The following UBR3 variants were observed in gnomAD, a reference collection of about 807,000 sequenced individuals.
UBR3 encodes E3 ubiquitin-protein ligase UBR3.
Under a neutral mutation model 243.2 loss-of-function variants are expected in UBR3, and 85 were observed. That is an observed-to-expected ratio of 0.35 (90% CI 0.29 to 0.42). The LOEUF is 0.42. Among genes scored for constraint, UBR3 ranks in the 10% least tolerant of loss-of-function variants. UBR3 has a pLI of 1.00. For synonymous variants in UBR3, 748 were observed against 799.8 expected (o/e 0.94, Z 1.09); for missense variants, 1,686 against 2,300.8 (o/e 0.73, Z 5.47).
intron 29 of UBR3, 84 bp from the exon 30 acceptor site, chr2:170,015,197 T>G: frequency 8.6e-7 from 1 of 1,158,462 alleles, no homozygotes; most frequent in Non-Finnish European, 1.2e-6. Context: ...AACTTTATTT[T>G]TTAGGTTGAT....
intron 1 of UBR3, among the ~76,000 whole-genome samples, chr2:169,864,805 G>A (rs946087018): frequency 4.6e-5 from 7 of 151,692 alleles, no homozygotes; most frequent in Non-Finnish European, 8.8e-5. Context: ...TACTCGGAAG[G>A]CTGAGGCAGG....
At chr2:169,890,513 G>A (rs2084287001) in intron 5 of UBR3, among the ~76,000 whole-genome samples, 1 of 108,294 alleles carries the variant, frequency 9.2e-6, no homozygotes, top group Non-Finnish European at 1.8e-5. Context: ...TTTTTAGTGC[G>A]AGGTTTTTCT....
chr2:169,950,192 C>G, intron 23 of UBR3, 127 bp downstream of exon 23: 1 of 869,618 alleles, frequency 1.1e-6, no homozygotes, highest in Non-Finnish European at 1.7e-6. Flanking sequence ...TAGTTTGTAA[C>G]ATAAATGGAA....
chr2:170,002,808 C>T (rs940739117), intron 27 of UBR3, among the ~76,000 whole-genome samples: 4 of 152,084 alleles, frequency 2.6e-5, no homozygotes, highest in African/African-American at 9.7e-5. Flanking sequence ...TCTTATTTTC[C>T]TATAGCTGAA....
chr2:169,965,424 C>A (rs1274762390), intron 24 of UBR3, among the ~76,000 whole-genome samples: 3 of 152,094 alleles, frequency 2.0e-5, no homozygotes, highest in Admixed American at 6.6e-5. Context: ...CAGAGGATGG[C>A]TGAAACTAAC....
chr2:169,895,427 T>C, intron 7 of UBR3, 116 bp downstream of exon 7: 1 of 1,161,656 alleles, frequency 8.6e-7, no homozygotes. Context: ...TATAAACAAG[T>C]GTTAGTTTCT....
At chr2:169,857,065 T>A (rs1288600327) in intron 1 of UBR3, among the ~76,000 whole-genome samples, 2 of 44,140 alleles carry the variant, frequency 4.5e-5, no homozygotes, top group Non-Finnish European at 7.7e-5. Flanking sequence ...TTTTATTATG[T>A]TTTTTTTTTT....
chr2:169,956,374 A>G (rs1011060190), intron 23 of UBR3, among the ~76,000 whole-genome samples: 4 of 151,736 alleles, frequency 2.6e-5, no homozygotes, highest in Non-Finnish European at 4.4e-5. Context: ...CTTTTACCAT[A>G]CAAATGCCCT....
At chr2:169,912,258 T>C (rs2085282858) in intron 10 of UBR3, among the ~76,000 whole-genome samples, 1 of 152,206 alleles carries the variant, frequency 6.6e-6, no homozygotes, top group South Asian at 2.1e-4. Flanking sequence ...TTTTAAAGTG[T>C]ATACTATTCA....
At chr2:169,872,130 G>C in intron 1 of UBR3, 106 bp from the exon 2 acceptor site, 1 of 797,140 alleles carries the variant, frequency 1.3e-6, no homozygotes, top group Non-Finnish European at 1.8e-6. Context: ...AAATCATAAA[G>C]GAGGATTTAT....
At chr2:169,951,609 T>C (rs2087034669) in intron 23 of UBR3, among the ~76,000 whole-genome samples, 1 of 152,154 alleles carries the variant, frequency 6.6e-6, no homozygotes, top group Non-Finnish European at 1.5e-5. Context: ...TATCGTTAAC[T>C]CGCACAGGGT....
intron 1 of UBR3, among the ~76,000 whole-genome samples, chr2:169,866,516 C>A (rs975517870): frequency 6.6e-6 from 1 of 151,978 alleles, no homozygotes; most frequent in African/African-American, 2.4e-5. Context: ...GCATACGCCA[C>A]CATGTCTAGC....
chr2:170,068,208 C>T (rs938930695), intron 35 of UBR3, among the ~76,000 whole-genome samples: 7 of 152,092 alleles, frequency 4.6e-5, no homozygotes, highest in Non-Finnish European at 1.0e-4. Context: ...CAGTGGCTTT[C>T]GTCTGTAATC....
chr2:169,983,453 G>A (rs1264072289), intron 24 of UBR3, among the ~76,000 whole-genome samples: 1 of 151,810 alleles, frequency 6.6e-6, no homozygotes, highest in African/African-American at 2.4e-5. Context: ...TAGAGATGGG[G>A]TTTTGCCATG....
chr2:170,019,743 A>G (rs2090339137), intron 30 of UBR3, among the ~76,000 whole-genome samples: 1 of 152,150 alleles, frequency 6.6e-6, no homozygotes, highest in South Asian at 2.1e-4. Context: ...TAGGGAGCAT[A>G]AAGATGTTAA....
intron 36 of UBR3, among the ~76,000 whole-genome samples, chr2:170,075,397 A>C (rs756422696): frequency 6.6e-6 from 1 of 152,166 alleles, no homozygotes; most frequent in Non-Finnish European, 1.5e-5. Flanking sequence ...AAAAGTGATG[A>C]GCACACCCAG....
At chr2:169,933,680 A>G (rs2105350971) in intron 19 of UBR3, among the ~76,000 whole-genome samples, 1 of 152,316 alleles carries the variant, frequency 6.6e-6, no homozygotes, top group East Asian at 1.9e-4. Flanking sequence ...TTAAAAAGCA[A>G]GTTTAAATGA....
chr2:169,990,857 A>T (rs902313334), intron 25 of UBR3, among the ~76,000 whole-genome samples: 1 of 61,130 alleles, frequency 1.6e-5, no homozygotes, highest in Non-Finnish European at 4.0e-5. Flanking sequence ...AGCAAAAAGG[A>T]AGAATTAATT....
intron 31 of UBR3, among the ~76,000 whole-genome samples, chr2:170,031,464 T>C (rs1392743013): frequency 2.0e-5 from 3 of 152,142 alleles, no homozygotes; most frequent in African/African-American, 2.4e-5. Flanking sequence ...AAAGCATTCA[T>C]CCATGTTTTC....
Sources: allele counts gnomAD v4.1 joint callset (sites outside exome capture counted in the v4.1 genomes callset), GRCh38; gene constraint gnomAD v4.1.1; transcripts MANE v1.5; gene names NCBI Gene and HGNC (gene_info 2026-07-23, HGNC 2026-07-21).